ANK2: variants seen among roughly 807,000 people sequenced by gnomAD.
The protein encoded by ANK2 is ankyrin 2.
In ANK2, 83 loss-of-function variants were observed where a neutral mutation model predicts 360.5. The observed-to-expected ratio is 0.23, with a 90% confidence interval of 0.19 to 0.28. The LOEUF (loss-of-function observed/expected upper bound fraction) is 0.28, where lower values mean the gene tolerates loss of function less well. ANK2 is among the 10% of genes least tolerant of loss of function. The pLI is 1.00. For synonymous variants in ANK2, 1,740 were observed against 1,759.5 expected (o/e 0.99, Z 0.28); for missense variants, 4,201 against 4,795.7 (o/e 0.88, Z 3.66).
chr4:112,921,011 T>C (rs112158371), intron 2 of ANK2, among the ~76,000 whole-genome samples: 1,849 of 152,202 alleles, frequency 0.012, 36 homozygotes, highest in African/African-American at 0.041. Flanking sequence ...TTAATGGTGA[T>C]TAGTCCAAAT....
At chr4:113,150,273 C>T (rs912452561) in intron 1 of ANK2, among the ~76,000 whole-genome samples, 5 of 152,186 alleles carry the variant, frequency 3.3e-5, no homozygotes, top group African/African-American at 1.2e-4. Context: ...AGCCTACTCC[C>T]ATCCTCTAAA....
intron 2 of ANK2, among the ~76,000 whole-genome samples, chr4:112,923,236 C>T (rs1323230519): frequency 6.6e-6 from 1 of 152,040 alleles, no homozygotes; most frequent in Non-Finnish European, 1.5e-5. Flanking sequence ...TTAAAAATTG[C>T]TCTAAGGGAT....
intron 45 of ANK2, among the ~76,000 whole-genome samples, chr4:113,380,410 C>G (rs1009460902): frequency 6.6e-6 from 1 of 152,170 alleles, no homozygotes; most frequent in Non-Finnish European, 1.5e-5. Context: ...CCTGTAATCC[C>G]AACACTTTGG....
the ANK2 span, among the ~76,000 whole-genome samples, chr4:112,770,710 T>A: frequency 5.5e-5 from 4 of 72,570 alleles, no homozygotes; most frequent in Non-Finnish European, 2.5e-5. Context: ...TCTCTCTCTC[T>A]CAAAAAAAAA....
At chr4:113,127,828 T>C (rs1392752325) in intron 1 of ANK2, among the ~76,000 whole-genome samples, 3 of 152,028 alleles carry the variant, frequency 2.0e-5, no homozygotes, top group Non-Finnish European at 2.9e-5. Flanking sequence ...ACTGTTATGG[T>C]AATCCAAGAG....
intron 39 of ANK2, among the ~76,000 whole-genome samples, chr4:113,362,888 G>C (rs958524749): frequency 2.0e-5 from 3 of 152,218 alleles, no homozygotes; most frequent in Admixed American, 6.5e-5. Flanking sequence ...CCATAATATA[G>C]CTACAACTAG....
At chr4:112,844,305 C>T (rs1229282869) in intron 1 of ANK2, among the ~76,000 whole-genome samples, 1 of 152,186 alleles carries the variant, frequency 6.6e-6, no homozygotes, top group African/African-American at 2.4e-5. Flanking sequence ...GCAATCTTTG[C>T]CAGATAAGAC....
At chr4:113,121,953 G>A (rs1272398162) in intron 1 of ANK2, among the ~76,000 whole-genome samples, 2 of 152,024 alleles carry the variant, frequency 1.3e-5, no homozygotes, top group Non-Finnish European at 2.9e-5. Flanking sequence ...TTCTCATCAA[G>A]TTGTAACGGG....
Position 113,374,768 on chromosome 4 carries a change from C to T in ANK2, c.11859+1319C>T, listed in dbSNP as rs187076591. ...TGTGTGTCCTTCGATCATTAGGTCA[C>T]TTTGTGTGAGCCCAGCATTTTGTCC... is the stretch of plus-strand genomic sequence containing the variant. On this transcript the variant is annotated intron_variant, in intron 45 of 45. Coordinates refer to ENST00000357077, the MANE Select transcript of ANK2 (RefSeq NM_001148.6). 307 of 1,109,240 alleles carry T rather than the reference C, an allele frequency of 2.8e-4. 2 individuals carry two copies. The South Asian group carries it at 5.8e-3, about 21-fold the overall frequency. 68.7% of individuals were successfully genotyped at this position (1,109,240 alleles called of 1,614,324 possible). A position where few individuals can be genotyped will look rare whatever the true frequency, so the allele number is the denominator to read the frequency against.
At chr4:113,312,279 G>C in intron 24 of ANK2, among the ~76,000 whole-genome samples, 1 of 119,774 alleles carries the variant, frequency 8.3e-6, no homozygotes, top group Non-Finnish European at 1.7e-5. Context: ...TCTTGAGACA[G>C]AAAAAAAAAA....
chr4:112,881,747 C>CA (rs1462712621), intron 1 of ANK2: 1 of 628,284 alleles, frequency 1.6e-6, no homozygotes, highest in Non-Finnish European at 2.9e-6. Context: ...GTGATGATTT[C>CA]CATCACTTCG....
chr4:113,027,045 G>A (rs1388817777), intron 2 of ANK2, among the ~76,000 whole-genome samples: 1 of 152,130 alleles, frequency 6.6e-6, no homozygotes, highest in East Asian at 1.9e-4. Context: ...CTGTTTCAGT[G>A]AAGATGGCGT....
Position 113,348,396 on chromosome 4 carries a change from G to A in ANK2, c.4404+88G>A, listed in dbSNP as rs2272235. On this transcript the variant is annotated intron_variant, in intron 36 of 45. Transcript: ENST00000357077. ...ACATAGTTAACCTGTGTTCTTAGAC[G>A]GGGTAGGCGGTTCTTCTTAGTAATT... 247,507 of 1,413,832 alleles carry A rather than the reference G, an allele frequency of 0.18. 28,330 individuals are homozygous for A. The highest frequency in any genetic ancestry group is 0.57 in the African/African-American group (40,132 of 70,760). The allele number at this position is 1,413,832 out of a possible 1,614,324, so 87.6% of individuals were successfully genotyped here.
intron 36 of ANK2, 58 bp from the exon 37 acceptor site, chr4:113,350,169 AG>A: frequency 6.6e-7 from 1 of 1,514,052 alleles, no homozygotes; most frequent in South Asian, 1.1e-5. Flanking sequence ...TGTGCACACC[AG>A]GGGCTATGAG....
intron 2 of ANK2, among the ~76,000 whole-genome samples, chr4:112,937,981 A>G (rs2093898802): frequency 6.6e-6 from 1 of 152,244 alleles, no homozygotes; most frequent in African/African-American, 2.4e-5. Flanking sequence ...AGTATGAATG[A>G]ATATTTTAAA....
intron 1 of ANK2, among the ~76,000 whole-genome samples, chr4:113,144,288 T>G (rs1052301988): frequency 1.3e-5 from 2 of 152,096 alleles, no homozygotes; most frequent in African/African-American, 4.8e-5. Context: ...CAAAACCAGA[T>G]TGACAAAAAA....
chr4:112,847,768 A>T (rs1183398927), intron 1 of ANK2, among the ~76,000 whole-genome samples: 1 of 152,206 alleles, frequency 6.6e-6, no homozygotes, highest in Non-Finnish European at 1.5e-5. Context: ...TTGTCCTTAG[A>T]GGGTAGTTTG....
chr4:112,792,862 G>A, the ANK2 span, among the ~76,000 whole-genome samples: 1 of 152,064 alleles, frequency 6.6e-6, no homozygotes, highest in African/African-American at 2.4e-5. Flanking sequence ...AATTTTATTT[G>A]CATGGTGTGC....
At chr4:113,014,396 T>C (rs534193867) in intron 2 of ANK2, among the ~76,000 whole-genome samples, 1 of 152,198 alleles carries the variant, frequency 6.6e-6, no homozygotes, top group African/African-American at 2.4e-5. Context: ...AGGAGGATTC[T>C]ATTATTATTC....
Sources: gnomAD v4.1 joint callset for allele counts (sites outside exome capture counted in the v4.1 genomes callset) on GRCh38, gnomAD v4.1.1 for gene constraint, MANE v1.5 for transcripts, NCBI Gene and HGNC (gene_info 2026-07-23, HGNC 2026-07-21) for gene names.